Variants in LYRM4 observed in about 807,000 individuals in gnomAD.
The protein encoded by LYRM4 is LYR motif-containing protein 4.
LYRM4 carries 9 observed loss-of-function variants against 11.7 expected under a neutral mutation model. The observed-to-expected ratio is 0.77, with a 90% CI of 0.46 to 1.34. The LOEUF is 1.34. LYRM4 is among the 40% of genes most tolerant of loss of function. LYRM4 has a pLI of 0.00. For missense variants in LYRM4, 133 were observed against 112.5 expected (o/e 1.18, Z -0.82); for synonymous variants, 42 against 40.4 (o/e 1.04, Z -0.15).
At chr6:5,209,081 T>C (rs1761854509) in intron 2 of LYRM4, among the ~76,000 whole-genome samples, 4 of 152,096 alleles carry the variant, frequency 2.6e-5, no homozygotes, top group African/African-American at 9.7e-5. Context: ...ATGGGTTTAT[T>C]ATTACTTTTT....
At chr6:5,199,731 G>A (rs1429811605) in intron 2 of LYRM4, among the ~76,000 whole-genome samples, 1 of 152,182 alleles carries the variant, frequency 6.6e-6, no homozygotes, top group Non-Finnish European at 1.5e-5. Context: ...TTGGTGTTCT[G>A]GTCTGGCCAA....
chr6:5,091,215 G>T, the LYRM4 span, among the ~76,000 whole-genome samples: 2 of 152,214 alleles, frequency 1.3e-5, no homozygotes, highest in African/African-American at 2.4e-5. Flanking sequence ...AAGGCAAGGG[G>T]CTGGGAACAG....
chr6:5,220,145 T>C (rs1000973862), intron 1 of LYRM4, among the ~76,000 whole-genome samples: 3 of 152,208 alleles, frequency 2.0e-5, no homozygotes, highest in African/African-American at 4.8e-5. Flanking sequence ...GCAAGGATTA[T>C]ACTCTTTTCT....
chr6:5,153,454 C>T (rs898822539), intron 2 of LYRM4, among the ~76,000 whole-genome samples: 1 of 152,216 alleles, frequency 6.6e-6, no homozygotes, highest in Non-Finnish European at 1.5e-5. Flanking sequence ...CTTGTGCCTG[C>T]CCAGCTGGGC....
chr6:5,218,132 C>A (rs1290453233), intron 1 of LYRM4: 2 of 645,794 alleles, frequency 3.1e-6, no homozygotes, highest in Non-Finnish European at 3.8e-6. Flanking sequence ...GTCTTAAACT[C>A]CTGGGCTCAA....
At chr6:5,186,283 C>T (rs540750360) in intron 2 of LYRM4, among the ~76,000 whole-genome samples, 1 of 152,304 alleles carries the variant, frequency 6.6e-6, no homozygotes, top group South Asian at 2.1e-4. Flanking sequence ...GGAGAGCAGA[C>T]AGCTGAAGGA....
chr6:5,118,094 A>ATATATATATATATTTTTTTT, intron 2 of LYRM4, among the ~76,000 whole-genome samples: 81 of 86,022 alleles, frequency 9.4e-4, no homozygotes, highest in Non-Finnish European at 1.4e-3. Context: ...ATATATATAT[A>ATATATATATATATTTTTTTT]TTTTTGTTTT....
At chr6:5,183,339 T>C (rs1312881059) in intron 2 of LYRM4, among the ~76,000 whole-genome samples, 2 of 152,220 alleles carry the variant, frequency 1.3e-5, no homozygotes, top group Non-Finnish European at 2.9e-5. Context: ...AATACTTAAA[T>C]GTAGAATTCT....
At chr6:5,074,138 T>C in the LYRM4 span, among the ~76,000 whole-genome samples, 1 of 152,200 alleles carries the variant, frequency 6.6e-6, no homozygotes, top group Admixed American at 6.5e-5. Flanking sequence ...TCCAACAGCC[T>C]CTTATACAAG....
At chr6:5,195,579 A>G (rs1303461091) in intron 2 of LYRM4, among the ~76,000 whole-genome samples, 1 of 152,218 alleles carries the variant, frequency 6.6e-6, no homozygotes, top group African/African-American at 2.4e-5. Context: ...GGTTGCAGTG[A>G]GCTGAGATAG....
chr6:5,255,523 T>C (rs1226466422), intron 1 of LYRM4, among the ~76,000 whole-genome samples: 1 of 152,100 alleles, frequency 6.6e-6, no homozygotes, highest in Non-Finnish European at 1.5e-5. Context: ...ATATGATAAA[T>C]GCGTCCCACA....
At chr6:5,115,094 A>G (rs1003828060) in intron 2 of LYRM4, among the ~76,000 whole-genome samples, 3 of 152,226 alleles carry the variant, frequency 2.0e-5, no homozygotes, top group Non-Finnish European at 4.4e-5. Flanking sequence ...GTAAAGATAT[A>G]TCACAATCTA....
chr6:5,155,228 T>C (rs1041141131), intron 2 of LYRM4, among the ~76,000 whole-genome samples: 2 of 152,086 alleles, frequency 1.3e-5, no homozygotes, highest in African/African-American at 4.8e-5. Flanking sequence ...ATTACAGGCA[T>C]GCGCCACCGC....
At chr6:5,221,948 C>T (rs1030311609) in intron 1 of LYRM4, among the ~76,000 whole-genome samples, 1 of 152,184 alleles carries the variant, frequency 6.6e-6, no homozygotes. Flanking sequence ...TCTTCTCTCT[C>T]GAAGTTATTT....
intron 2 of LYRM4, among the ~76,000 whole-genome samples, chr6:5,119,561 C>T (rs962975965): frequency 2.4e-4 from 36 of 151,884 alleles, no homozygotes; most frequent in South Asian, 2.1e-4. Flanking sequence ...CTGAGGCGGG[C>T]GGATCACTTG....
At chr6:5,119,898 A>T (rs940404898) in intron 2 of LYRM4, among the ~76,000 whole-genome samples, 11 of 151,238 alleles carry the variant, frequency 7.3e-5, no homozygotes, top group African/African-American at 2.7e-4. Context: ...TAGGAAAGGG[A>T]ATGAAACTAT....
intron 2 of LYRM4, among the ~76,000 whole-genome samples, chr6:5,124,780 C>G (rs537298076): frequency 1.3e-5 from 2 of 152,370 alleles, no homozygotes; most frequent in East Asian, 1.9e-4. Flanking sequence ...TACCGGAGGG[C>G]TCTCTGCCTC....
At chr6:5,078,837 C>T in the LYRM4 span, among the ~76,000 whole-genome samples, 1 of 152,176 alleles carries the variant, frequency 6.6e-6, no homozygotes, top group Non-Finnish European at 1.5e-5. Flanking sequence ...TGAAAAATCA[C>T]TGTGGCTTTA....
chr6:5,256,491 G>GAAAAAAAAA (rs1161084364), intron 1 of LYRM4, among the ~76,000 whole-genome samples: 1 of 43,858 alleles, frequency 2.3e-5, no homozygotes, highest in Non-Finnish European at 3.6e-5. Context: ...ATTTCAACTG[G>GAAAAAAAAA]AAAAAAAAAA....
Sources: allele counts gnomAD v4.1 joint callset (sites outside exome capture counted in the v4.1 genomes callset), GRCh38; gene constraint gnomAD v4.1.1; transcripts MANE v1.5; gene names NCBI Gene and HGNC (gene_info 2026-07-23, HGNC 2026-07-21).